SPATA6L: variants seen among roughly 807,000 people sequenced by gnomAD.
The protein encoded by SPATA6L is spermatogenesis associated 6-like protein.
SPATA6L carries 68 observed loss-of-function variants against 49.2 expected under a neutral mutation model. The ratio of observed to expected loss-of-function variants is 1.38; its 90% CI spans 1.14 to 1.69. The LOEUF (loss-of-function observed/expected upper bound fraction) is 1.69. Ranked by LOEUF, SPATA6L falls within the 40% of genes most tolerant of loss-of-function variation. The probability of loss-of-function intolerance (pLI) is 0.00; values close to 1 mark genes in which losing one functional copy is unlikely to be tolerated. For synonymous variants in SPATA6L, 198 were observed against 165.7 expected (o/e 1.19, Z -1.50); for missense variants, 668 against 464.3 (o/e 1.44, Z -4.03).
At chr9:4,589,190 G>C (rs1217747010) in intron 13 of SPATA6L, among the ~76,000 whole-genome samples, 2 of 152,226 alleles carry the variant, frequency 1.3e-5, no homozygotes, top group Non-Finnish European at 2.9e-5. Context: ...TCACAGGACT[G>C]CTTTCAGCAG....
intron 2 of SPATA6L, among the ~76,000 whole-genome samples, chr9:4,661,181 T>C (rs991665469): frequency 6.6e-6 from 1 of 152,226 alleles, no homozygotes; most frequent in Non-Finnish European, 1.5e-5. Context: ...GTAGCCTTCC[T>C]TCTCCCCAGA....
intron 3 of SPATA6L, among the ~76,000 whole-genome samples, chr9:4,653,092 T>A (rs924923072): frequency 1.3e-5 from 2 of 152,198 alleles, no homozygotes; most frequent in Non-Finnish European, 2.9e-5. Context: ...CTGGAAGATT[T>A]ACACTTCCTG....
chr9:4,666,247 G>T lies in SPATA6L; in HGVS notation c.4C>A (p.Pro2Thr). ...TGCAGCTCCACCACCACCTCCAGAGGCATCGTTCCCTGCGTGGGCGAAAGG... is the reference window on the plus strand; with the variant it reads ...TGCAGCTCCACCACCACCTCCAGAGTCATCGTTCCCTGCGTGGGCGAAAGG... The part of the protein sequence containing the change: M[P>T]LEVVVELQIR... The change falls in exon 1 of 12, where the codon CCT becomes ACT. Residue 2 changes from proline (P) to threonine (T), a missense_variant. Coordinates refer to ENST00000682582, the MANE Select transcript of SPATA6L (RefSeq NM_001353486.2). The T allele has an allele frequency of 6.2e-7, 1 of 1,614,134 alleles. No homozygotes were observed. The highest frequency in any genetic ancestry group is 1.1e-5 in the South Asian group (1 of 91,056).
At chr9:4,612,028 A>C (rs1826881418) in intron 9 of SPATA6L, among the ~76,000 whole-genome samples, 3 of 151,590 alleles carry the variant, frequency 2.0e-5, no homozygotes. Flanking sequence ...TTTTTCCTTA[A>C]GAGATAGGGT....
rs1174461813 is a variant in SPATA6L at position 4,662,665 on chromosome 9, C to G, written c.40-629G>C. 4 of 1,600,048 alleles carry G rather than the reference C, an allele frequency of 2.5e-6. No homozygotes were observed. The highest frequency in any genetic ancestry group is 1.3e-5 in the African/African-American group (1 of 74,926). On this transcript the variant is annotated intron_variant, in intron 1 of 11. Transcript: ENST00000682582. This position sits in a 1 kb window ranked among gnomAD's most constrained non-coding sequence, Gnocchi z 4.9. The stretch of plus-strand genomic sequence containing the variant: ...GAGGACCGCATGGACTTGAACCCGT[C>G]CTTCCTGGGCATCGCCCTGCGCTCC...
intron 11 of SPATA6L, 146 bp downstream of exon 11, chr9:4,604,033 G>A: frequency 1.8e-6 from 1 of 561,186 alleles, no homozygotes. Context: ...ACAGAGCAAG[G>A]GAAGAACGCA....
In SPATA6L at chr9:4,662,797, G is replaced by A. The variant is rs1361078807; in HGVS notation, c.40-761C>T. The stretch of plus-strand genomic sequence containing the variant: ...CTTATGAAGCTGCTGGAGATCTCGG[G>A]ACACGGCATCCCCTGGCTGCTGGGC... On this transcript the variant is annotated intron_variant, in intron 1 of 11. Transcript: ENST00000682582. This position sits in a 1 kb window ranked among gnomAD's most constrained non-coding sequence, Gnocchi z 4.9. 1.9e-6 allele frequency: 3 copies of A among 1,605,252 alleles called. No individual in the cohort carries two copies. The South Asian group carries it at 3.3e-5, about 18-fold the overall frequency.
Position 4,606,246 on chromosome 9 carries a change from T to G in SPATA6L, c.996-806A>C, listed in dbSNP as rs554653256. The stretch of plus-strand genomic sequence containing the variant: ...GAGGGGCGCCCGCCATTGCCCAGGC[T>G]TGCTGAGGTAAACAAAGCAGCCGGA... On this transcript the variant is annotated intron_variant, in intron 9 of 11. Transcript: ENST00000682582. Among the ~76,000 whole-genome samples, 25 of 143,056 alleles carry G rather than the reference T, an allele frequency of 1.7e-4. No homozygotes were observed. The South Asian group carries it at 2.0e-3, about 12-fold the overall frequency. The allele number at this position is 143,056 out of a possible 152,430, so 93.9% of individuals were successfully genotyped here.
At chr9:4,603,885 T>C (rs372168585) in intron 11 of SPATA6L, among the ~76,000 whole-genome samples, 1 of 152,058 alleles carries the variant, frequency 6.6e-6, no homozygotes, top group South Asian at 2.1e-4. Flanking sequence ...AGAGACCCCA[T>C]GGCAGGAAAA....
chr9:4,662,983 T>C lies in SPATA6L; in HGVS notation c.40-947A>G. On this transcript the variant is annotated intron_variant, in intron 1 of 11. Transcript: ENST00000682582. The surrounding 1 kb of genome is among the most constrained non-coding windows in gnomAD (Gnocchi z 4.9). Reference sequence around the variant, plus strand: ...AACCAGATGGACATGTTTGTCACTCTCTCGGTGGACAAGTACTCCTTCCCC... The same window carrying C: ...AACCAGATGGACATGTTTGTCACTCCCTCGGTGGACAAGTACTCCTTCCCC... The C allele has an allele frequency of 6.2e-7, 1 of 1,612,746 alleles. No homozygotes were observed. The highest frequency in any genetic ancestry group is 8.5e-7 in the Non-Finnish European group (1 of 1,179,846).
chr9:4,603,412 A>C (rs1234181067), intron 11 of SPATA6L, among the ~76,000 whole-genome samples: 1 of 152,194 alleles, frequency 6.6e-6, no homozygotes, highest in Non-Finnish European at 1.5e-5. Flanking sequence ...CCTGGGTGAC[A>C]GAGCTCCATG....
At chr9:4,652,098 T>C (rs1430809038) in intron 3 of SPATA6L, among the ~76,000 whole-genome samples, 1 of 152,240 alleles carries the variant, frequency 6.6e-6, no homozygotes, top group African/African-American at 2.4e-5. Context: ...AAGTTCAGTA[T>C]GTTTTCAGGA....
chr9:4,613,809 C>T (rs146587355), intron 9 of SPATA6L, among the ~76,000 whole-genome samples: 1,644 of 152,250 alleles, frequency 0.011, 55 homozygotes, highest in Admixed American at 0.059. Context: ...GTCTTGAATT[C>T]CTGACCTCAA....
chr9:4,599,717 T>G lies in SPATA6L; in HGVS notation c.*1094A>C, dbSNP rs1037726686. On this transcript the variant is annotated 3_prime_UTR_variant, in exon 12 of 12. Transcript: ENST00000682582. The stretch of plus-strand genomic sequence containing the variant: ...GCAAACGAGCTCCCTTGAGCCTATT[T>G]ATAGGGCACTAATCTCATTTATGAG... Among the ~76,000 whole-genome samples, 27 of 152,174 alleles carry G rather than the reference T, an allele frequency of 1.8e-4. 1 individual carries two copies. The highest frequency in any genetic ancestry group is 1.8e-3 in the Admixed American group (27 of 15,284).
chr9:4,597,665 G>A (rs2129973961), downstream of SPATA6L, among the ~76,000 whole-genome samples: 1 of 152,312 alleles, frequency 6.6e-6, no homozygotes, highest in Non-Finnish European at 1.5e-5. Flanking sequence ...GGGCTCCCAG[G>A]CCAAAGGAGC....
Position 4,666,308 on chromosome 9 carries a change from G to C in SPATA6L, c.-58C>G. The C allele has an allele frequency of 1.0e-5, 16 of 1,598,214 alleles. No homozygotes were observed. Among genetic ancestry groups the C allele is most frequent in the Non-Finnish European group, 1.4e-5 (16 of 1,166,070 alleles). On this transcript the variant is annotated 5_prime_UTR_variant, in exon 1 of 12. Coordinates refer to ENST00000682582, the MANE Select transcript of SPATA6L (RefSeq NM_001353486.2). ...GAAGATCCTTTTGTGCCGAGCCTTGGACCAATTTTTCTTAGTTTAGCTGAA... is the reference window on the plus strand; with the variant it reads ...GAAGATCCTTTTGTGCCGAGCCTTGCACCAATTTTTCTTAGTTTAGCTGAA...
At chr9:4,663,407 G>A in intron 1 of SPATA6L, 1 of 886,660 alleles carries the variant, frequency 1.1e-6, no homozygotes, top group Non-Finnish European at 1.8e-6. Flanking sequence ...ATCTTGATGT[G>A]CTGCTAGGCT....
chr9:4,608,933 A>T (rs1485295005), intron 9 of SPATA6L, among the ~76,000 whole-genome samples: 2 of 152,182 alleles, frequency 1.3e-5, no homozygotes, highest in African/African-American at 4.8e-5. Flanking sequence ...AGAAGAATCA[A>T]ATAGACGCAA....
At chr9:4,627,946 C>A in intron 5 of SPATA6L, 3 of 544,844 alleles carry the variant, frequency 5.5e-6, no homozygotes, top group South Asian at 3.5e-5. Flanking sequence ...TTATGTCTTG[C>A]AACAACGTGG....
Sources: allele counts gnomAD v4.1 joint callset (sites outside exome capture counted in the v4.1 genomes callset), GRCh38; gene constraint gnomAD v4.1.1; non-coding constraint Gnocchi (gnomAD v3.1); transcripts MANE v1.5; gene names NCBI Gene and HGNC (gene_info 2026-07-23, HGNC 2026-07-21).